The following PSPC1 variants were observed in gnomAD, a reference collection of about 807,000 sequenced individuals.
PSPC1 encodes paraspeckle protein 1.
In PSPC1, 14 loss-of-function variants were observed where a neutral mutation model predicts 51.6. That is an observed-to-expected ratio of 0.27 (90% CI 0.18 to 0.42). PSPC1 has a LOEUF of 0.42. Ranked by LOEUF, PSPC1 falls within the 10% of genes least tolerant of loss-of-function variation. The pLI is 1.00. For missense variants in PSPC1, 406 were observed against 701.1 expected (o/e 0.58, Z 4.75); for synonymous variants, 193 against 231.9 (o/e 0.83, Z 1.53).
At chr13:19,758,856 T>G (rs1191487085) in intron 3 of PSPC1, among the ~76,000 whole-genome samples, 1 of 150,002 alleles carries the variant, frequency 6.7e-6, no homozygotes. Flanking sequence ...AAAAAAAAAG[T>G]ATTTTCATGT....
At chr13:19,736,113 C>A (rs1412949989) in intron 5 of PSPC1, among the ~76,000 whole-genome samples, 1 of 151,984 alleles carries the variant, frequency 6.6e-6, no homozygotes, top group Non-Finnish European at 1.5e-5. Context: ...AGCCACCGCG[C>A]CCGGCCAAAA....
chr13:19,778,217 G>A lies in PSPC1; in HGVS notation c.372+4169C>T, dbSNP rs115136826. ...AGATCCCGCCACTGCACTCCAACGT[G>A]GTGACAGAGCAAGATTCCGTCTCAA... On this transcript the variant is annotated intron_variant, in intron 1 of 8. Coordinates refer to ENST00000338910, the MANE Select transcript of PSPC1 (RefSeq NM_001354909.2). Among the ~76,000 whole-genome samples the A allele has an allele frequency of 4.9e-3, 740 of 151,794 alleles. 7 individuals carry two copies. The highest frequency in any genetic ancestry group is 0.017 in the African/African-American group (687 of 41,368).
In PSPC1 at chr13:19,782,702, A is replaced by G. The variant is rs1342153460; in HGVS notation, c.56T>C (p.Leu19Pro). Residue 19 changes from leucine (L) to proline (P), a missense_variant, in exon 1 of 9, where the codon CTT becomes CCT. By Grantham distance (98) the Leu-to-Pro change is moderately conservative. Transcript: ENST00000338910. This position sits in a 1 kb window ranked among gnomAD's most constrained non-coding sequence, Gnocchi z 4.5. ...QVRIEKNPAR[L>P]RALESAVGES... ...GCCCACCGCGGACTCCAGGGCGCGA[A>G]GGCGGGCCGGGTTTTTCTCAATGCG... 3 of 1,572,316 alleles carry G rather than the reference A, an allele frequency of 1.9e-6. No homozygotes were observed. The highest frequency in any genetic ancestry group is 2.6e-6 in the Non-Finnish European group (3 of 1,169,126).
intron 7 of PSPC1, 32 bp downstream of exon 7, chr13:19,709,510 A>C: frequency 6.3e-7 from 1 of 1,581,684 alleles, no homozygotes; most frequent in South Asian, 1.1e-5. Flanking sequence ...AAAAATGATA[A>C]ATTACAAAAG....
intron 1 of PSPC1, among the ~76,000 whole-genome samples, chr13:19,781,066 G>A (rs898233935): frequency 6.6e-6 from 1 of 151,750 alleles, no homozygotes; most frequent in African/African-American, 2.4e-5. Context: ...GGGAGGCTGA[G>A]GTGGGAGAAC....
intron 2 of PSPC1, among the ~76,000 whole-genome samples, chr13:19,763,061 C>T (rs994698127): frequency 6.6e-6 from 1 of 151,478 alleles, no homozygotes. Context: ...GCTGAGACCG[C>T]GGCATTGCAC....
In PSPC1 at chr13:19,702,910, T is replaced by A; in HGVS notation, c.*265A>T. On this transcript the variant is annotated 3_prime_UTR_variant, in exon 9 of 9. Transcript: ENST00000338910. ...GATTTCTTTATTGAGATTAACTACATAGATTTCACAGTACTATGGAATACT... is the reference window on the plus strand; with the variant it reads ...GATTTCTTTATTGAGATTAACTACAAAGATTTCACAGTACTATGGAATACT... 7.6e-6 allele frequency: 2 copies of A among 262,862 alleles called. No individual in the cohort carries two copies. The highest frequency in any genetic ancestry group is 8.5e-5 in the South Asian group (1 of 11,710). 16.3% of individuals were successfully genotyped at this position (262,862 alleles called of 1,614,324 possible).
chr13:19,728,439 A>ACAC lies in PSPC1; in HGVS notation c.1158+1799_1158+1800insGTG, dbSNP rs1883624659. Among the ~76,000 whole-genome samples, 3 of 144,344 alleles carry ACAC rather than the reference A, an allele frequency of 2.1e-5. No individual in the cohort carries two copies. In the South Asian group the frequency reaches 6.6e-4, roughly 32 times the overall value. 94.7% of individuals were successfully genotyped at this position (144,344 alleles called of 152,430 possible). On this transcript the variant is annotated intron_variant, in intron 6 of 8. Coordinates refer to ENST00000338910, the MANE Select transcript of PSPC1 (RefSeq NM_001354909.2). The stretch of plus-strand genomic sequence containing the variant: ...TAAGAGGGCCTAATTTCAAAGCTTA[A>ACAC]ACACACACACACACACACACACACA...
chr13:19,746,475 G>A (rs1885997081), intron 4 of PSPC1, among the ~76,000 whole-genome samples: 1 of 150,924 alleles, frequency 6.6e-6, no homozygotes, highest in East Asian at 2.0e-4. Flanking sequence ...CTGTAATCCT[G>A]ACACTTTGGG....
chr13:19,772,221 G>A, intron 2 of PSPC1, 21 bp downstream of exon 2: 1 of 1,604,140 alleles, frequency 6.2e-7, no homozygotes, highest in Non-Finnish European at 8.5e-7. Flanking sequence ...ATAGAAGAAG[G>A]ACAAGATATT....
chr13:19,759,193 T>C (rs1593733369), intron 3 of PSPC1, 130 bp downstream of exon 3: 1 of 678,202 alleles, frequency 1.5e-6, no homozygotes, highest in Non-Finnish European at 2.5e-6. Flanking sequence ...TAGCATTCCA[T>C]GTAGACTAGA....
chr13:19,695,711 T>A (rs1442487122), intron 6 of PSPC1, among the ~76,000 whole-genome samples: 1 of 152,166 alleles, frequency 6.6e-6, no homozygotes, highest in Non-Finnish European at 1.5e-5. Flanking sequence ...GGTCCCTTTT[T>A]AAATTTTTAT....
intron 3 of PSPC1, among the ~76,000 whole-genome samples, chr13:19,757,003 G>T (rs1392693785): frequency 6.6e-6 from 1 of 151,864 alleles, no homozygotes; most frequent in Non-Finnish European, 1.5e-5. Flanking sequence ...GGTGGCACGT[G>T]CCTACAGTCC....
rs560081552 is a variant in PSPC1 at position 19,707,783 on chromosome 13, T to C, written c.1216+1759A>G. 1.2e-4 allele frequency among the ~76,000 whole-genome samples: 19 copies of C among 152,338 alleles called. No homozygotes were observed. In the South Asian group the frequency reaches 3.7e-3, roughly 30 times the overall value. Reference sequence around the variant, plus strand: ...AATGGTTTTAAGTTTTATACTATTTTAAAGTTTAGCTCTGATGTTAATGTC... The same window carrying C: ...AATGGTTTTAAGTTTTATACTATTTCAAAGTTTAGCTCTGATGTTAATGTC... On this transcript the variant is annotated intron_variant, in intron 7 of 8. Transcript: ENST00000338910.
downstream of PSPC1, among the ~76,000 whole-genome samples, chr13:19,698,033 T>G (rs1879452591): frequency 6.6e-6 from 1 of 152,046 alleles, no homozygotes; most frequent in South Asian, 2.1e-4. Flanking sequence ...ACATAATTCT[T>G]CTAAACAGTC....
chr13:19,710,222 A>G (rs1320210867), intron 6 of PSPC1, among the ~76,000 whole-genome samples: 1 of 152,258 alleles, frequency 6.6e-6, no homozygotes, highest in African/African-American at 2.4e-5. Context: ...CTGCGCAGTA[A>G]TTTTATTTGA....
rs563853041 is a variant in PSPC1, at chr13:19,702,968, C to T, written c.*207G>A. Reference sequence around the variant, plus strand: ...AGCTAAAGTCACAAACACATTTCAACATTCAAAATGATGAGCATCATTACC... The same window carrying T: ...AGCTAAAGTCACAAACACATTTCAATATTCAAAATGATGAGCATCATTACC... On this transcript the variant is annotated 3_prime_UTR_variant, in exon 9 of 9. Coordinates refer to ENST00000338910, the MANE Select transcript of PSPC1 (RefSeq NM_001354909.2). The T allele has an allele frequency of 3.2e-5, 14 of 441,356 alleles. No individual in the cohort carries two copies. Among genetic ancestry groups the T allele is most frequent in the Non-Finnish European group, 5.5e-5 (13 of 236,024 alleles). 27.3% of individuals were successfully genotyped at this position (441,356 alleles called of 1,614,324 possible). A position where few individuals can be genotyped will look rare whatever the true frequency, so the allele number is the denominator to read the frequency against.
chr13:19,732,562 A>G (rs1485435437), intron 5 of PSPC1, among the ~76,000 whole-genome samples: 5 of 152,240 alleles, frequency 3.3e-5, no homozygotes, highest in East Asian at 1.9e-4. Context: ...AAGGTTTCAC[A>G]TAACAGGAGT....
intron 4 of PSPC1, among the ~76,000 whole-genome samples, chr13:19,745,997 G>GTTTTGTT (rs1216194778): frequency 1.4e-4 from 20 of 142,940 alleles, no homozygotes; most frequent in Non-Finnish European, 2.0e-4. Flanking sequence ...CAACATATTT[G>GTTTTGTT]TTTTGTTTTT....
Sources: gnomAD v4.1 joint callset for allele counts (sites outside exome capture counted in the v4.1 genomes callset) on GRCh38, gnomAD v4.1.1 for gene constraint, Gnocchi (gnomAD v3.1) non-coding constraint, MANE v1.5 for transcripts, NCBI Gene and HGNC (gene_info 2026-07-23, HGNC 2026-07-21) for gene names.